The following DTX4 variants were observed in gnomAD, a reference collection of about 807,000 sequenced individuals.
The protein encoded by DTX4 is deltex E3 ubiquitin ligase 4.
Under a neutral mutation model 57.6 loss-of-function variants are expected in DTX4, and 28 were observed. The ratio of observed to expected loss-of-function variants is 0.49; its 90% CI spans 0.36 to 0.67. The LOEUF is 0.67. Among genes scored for constraint, DTX4 ranks in the 30% least tolerant of loss-of-function variants. The probability of loss-of-function intolerance (pLI) is 0.00; values close to 1 mark genes in which losing one functional copy is unlikely to be tolerated. For missense variants in DTX4, 715 were observed against 836.8 expected (o/e 0.85, Z 1.80); for synonymous variants, 316 against 331.0 (o/e 0.95, Z 0.49).
In DTX4 at chr11:59,172,546, G is replaced by T. The variant is rs746703004; in HGVS notation, c.-50G>T. On this transcript the variant is annotated 5_prime_UTR_variant, in exon 1 of 9. Coordinates refer to ENST00000227451, the MANE Select transcript of DTX4 (RefSeq NM_015177.2). ...CAGGAGGAAGCGGAGGAGGTCGGGCGCTCGGGGCCCGGGAGGCGGGCCGCG... is the reference window on the plus strand; with the variant it reads ...CAGGAGGAAGCGGAGGAGGTCGGGCTCTCGGGGCCCGGGAGGCGGGCCGCG... 4 of 1,248,626 alleles carry T rather than the reference G, an allele frequency of 3.2e-6. No individual in the cohort carries two copies. Among genetic ancestry groups the T allele is most frequent in the Non-Finnish European group, 4.1e-6 (4 of 983,446 alleles). 77.3% of individuals were successfully genotyped at this position (1,248,626 alleles called of 1,614,324 possible). A position where few individuals can be genotyped will look rare whatever the true frequency, so the allele number is the denominator to read the frequency against.
intron 1 of DTX4, among the ~76,000 whole-genome samples, chr11:59,174,116 C>G (rs1413458144): frequency 3.9e-5 from 6 of 152,154 alleles, no homozygotes; most frequent in Non-Finnish European, 8.8e-5. Flanking sequence ...ACCCTCATGT[C>G]CCCATCTTTA....
At chr11:59,192,287 C>T (rs1862609802) in intron 6 of DTX4, 37 bp downstream of exon 6, 2 of 1,612,494 alleles carry the variant, frequency 1.2e-6, no homozygotes, top group East Asian at 2.2e-5. Flanking sequence ...CCACCCTTCA[C>T]ACTGGGCTCT....
chr11:59,182,509 T>G, intron 2 of DTX4, 47 bp downstream of exon 2: 2 of 1,523,196 alleles, frequency 1.3e-6, no homozygotes, highest in Non-Finnish European at 1.8e-6. Flanking sequence ...AGGGTAGAGA[T>G]AGGCTACAGC....
intron 1 of DTX4, among the ~76,000 whole-genome samples, chr11:59,176,731 G>T (rs1297903030): frequency 6.6e-6 from 1 of 152,182 alleles, no homozygotes; most frequent in Non-Finnish European, 1.5e-5. Context: ...GAAAGGTTTT[G>T]GGTGCTTTGT....
chr11:59,175,082 A>T (rs1862378953), intron 1 of DTX4, among the ~76,000 whole-genome samples: 2 of 152,198 alleles, frequency 1.3e-5, no homozygotes, highest in Non-Finnish European at 2.9e-5. Flanking sequence ...CTTCTCCACC[A>T]ACACACTCAT....
chr11:59,199,555 G>T, intron 7 of DTX4, 129 bp from the exon 8 acceptor site: 3 of 754,132 alleles, frequency 4.0e-6, no homozygotes, highest in African/African-American at 1.8e-5. Context: ...TGCTTTTTGG[G>T]TCTGTTCTCT....
At chr11:59,203,884 T>C (rs536748668) in intron 8 of DTX4, among the ~76,000 whole-genome samples, 1 of 152,330 alleles carries the variant, frequency 6.6e-6, no homozygotes, top group South Asian at 2.1e-4. Flanking sequence ...ATTTCTAATG[T>C]CTGCTTTCAT....
At chr11:59,191,953 A>T in intron 5 of DTX4, 145 bp from the exon 6 acceptor site, 1 of 848,618 alleles carries the variant, frequency 1.2e-6, no homozygotes, top group Non-Finnish European at 1.8e-6. Context: ...AACGATATTT[A>T]GATTCCAGAA....
chr11:59,199,572 G>A, intron 7 of DTX4, 112 bp from the exon 8 acceptor site: 2 of 870,662 alleles, frequency 2.3e-6, no homozygotes, highest in Non-Finnish European at 3.6e-6. Flanking sequence ...CTCTGTTGAA[G>A]CTTTATGGGA....
chr11:59,187,720 C>T (rs938907183), intron 2 of DTX4, among the ~76,000 whole-genome samples: 8 of 152,164 alleles, frequency 5.3e-5, no homozygotes, highest in East Asian at 1.9e-4. Context: ...GAGAGGATGG[C>T]GCAAGACCCA....
chr11:59,203,992 A>G (rs565083758), intron 8 of DTX4, among the ~76,000 whole-genome samples: 2 of 152,300 alleles, frequency 1.3e-5, no homozygotes, highest in African/African-American at 4.8e-5. Flanking sequence ...CTTTTTCTTC[A>G]TGCTGGACAC....
At chr11:59,193,183 G>A (rs546484527) in intron 6 of DTX4, among the ~76,000 whole-genome samples, 7 of 152,308 alleles carry the variant, frequency 4.6e-5, no homozygotes, top group African/African-American at 1.7e-4. Context: ...GGAGACCTGA[G>A]CTTGAATCCT....
chr11:59,178,789 G>T (rs1462057989), intron 1 of DTX4, among the ~76,000 whole-genome samples: 1 of 152,166 alleles, frequency 6.6e-6, no homozygotes, highest in Non-Finnish European at 1.5e-5. Flanking sequence ...GACCTGAATG[G>T]TAAGGAGAAT....
At chr11:59,199,143 G>A (rs1352177464) in intron 7 of DTX4, among the ~76,000 whole-genome samples, 51 of 152,210 alleles carry the variant, frequency 3.4e-4, no homozygotes. Flanking sequence ...AGAAAATTCT[G>A]TTGGCATGGC....
chr11:59,172,522 A>T lies in DTX4; in HGVS notation c.-74A>T, dbSNP rs992943571. On this transcript the variant is annotated 5_prime_UTR_variant, in exon 1 of 9. Coordinates refer to ENST00000227451, the MANE Select transcript of DTX4 (RefSeq NM_015177.2). ...GGTCGAGGCCCGGAGGCGGCGGCGC[A>T]GGAGGAAGCGGAGGAGGTCGGGCGC... The T allele has an allele frequency of 1.9e-5, 20 of 1,043,258 alleles. No individual in the cohort carries two copies. Among genetic ancestry groups the T allele is most frequent in the Non-Finnish European group, 2.3e-5 (19 of 812,632 alleles). 64.6% of individuals were successfully genotyped at this position (1,043,258 alleles called of 1,614,324 possible). A position where few individuals can be genotyped will look rare whatever the true frequency, so the allele number is the denominator to read the frequency against.
intron 4 of DTX4, 64 bp from the exon 5 acceptor site, chr11:59,191,050 A>G (rs1344418822): frequency 1.4e-5 from 21 of 1,485,166 alleles, no homozygotes; most frequent in Non-Finnish European, 1.7e-5. Flanking sequence ...CATGTCTAGC[A>G]CGACAAGGCT....
intron 6 of DTX4, among the ~76,000 whole-genome samples, chr11:59,192,577 G>A (rs987984222): frequency 1.2e-4 from 18 of 152,262 alleles, no homozygotes; most frequent in Admixed American, 6.5e-4. Context: ...GGTGAAGTGT[G>A]CTCCCATCAG....
chr11:59,173,111 C>G (rs1036009188), intron 1 of DTX4, among the ~76,000 whole-genome samples: 3 of 152,210 alleles, frequency 2.0e-5, no homozygotes, highest in Non-Finnish European at 2.9e-5. Context: ...GGCCCTAAGT[C>G]TTTCTATGTA....
chr11:59,200,227 G>C (rs778606562), intron 8 of DTX4, among the ~76,000 whole-genome samples: 2 of 152,188 alleles, frequency 1.3e-5, no homozygotes, highest in Non-Finnish European at 2.9e-5. Flanking sequence ...ACTACCATGA[G>C]AACAGTATAG....
Sources: gnomAD v4.1 joint callset for allele counts (sites outside exome capture counted in the v4.1 genomes callset) on GRCh38, gnomAD v4.1.1 for gene constraint, MANE v1.5 for transcripts, NCBI Gene and HGNC (gene_info 2026-07-23, HGNC 2026-07-21) for gene names.